Variants in RPS6KC1 observed in about 807,000 individuals in gnomAD.
RPS6KC1 encodes ribosomal protein S6 kinase C1, also known as inactive ribosomal protein S6 kinase delta-1.
RPS6KC1 carries 54 observed loss-of-function variants against 103.8 expected under a neutral mutation model. The ratio of observed to expected loss-of-function variants is 0.52; its 90% confidence interval spans 0.42 to 0.65. The LOEUF is 0.65. Ranked by LOEUF, RPS6KC1 falls within the 30% of genes least tolerant of loss-of-function variation. The pLI is 0.00. For synonymous variants in RPS6KC1, 439 were observed against 438.7 expected (o/e 1.00, Z -0.01); for missense variants, 1,151 against 1,253.8 (o/e 0.92, Z 1.24).
the RPS6KC1 span, among the ~76,000 whole-genome samples, chr1:213,629,372 T>A: frequency 5.5e-4 from 83 of 152,104 alleles, no homozygotes; most frequent in African/African-American, 1.8e-3. Flanking sequence ...TTTGTTGGTT[T>A]AAAGTCTGTT....
intron 8 of RPS6KC1, among the ~76,000 whole-genome samples, chr1:213,189,181 G>A (rs2092656144): frequency 6.6e-6 from 1 of 152,082 alleles, no homozygotes; most frequent in African/African-American, 2.4e-5. Flanking sequence ...AGGCATGGTG[G>A]CTTACGTCTG....
the RPS6KC1 span, among the ~76,000 whole-genome samples, chr1:213,798,571 C>T: frequency 6.6e-6 from 1 of 152,226 alleles, no homozygotes; most frequent in Admixed American, 6.5e-5. Flanking sequence ...ATGCCTATTC[C>T]TTTCCTTCCT....
the RPS6KC1 span, among the ~76,000 whole-genome samples, chr1:213,506,583 G>A: frequency 3.9e-5 from 6 of 152,212 alleles, no homozygotes; most frequent in African/African-American, 1.4e-4. Context: ...ACTTGTGCAT[G>A]TGAGTCACTA....
the RPS6KC1 span, among the ~76,000 whole-genome samples, chr1:213,518,842 G>T: frequency 6.6e-6 from 1 of 152,192 alleles, no homozygotes; most frequent in African/African-American, 2.4e-5. Context: ...TTTCACATAT[G>T]TGTATCCATG....
At chr1:213,147,385 TA>T (rs2088002433) in intron 6 of RPS6KC1, among the ~76,000 whole-genome samples, 1 of 152,186 alleles carries the variant, frequency 6.6e-6, no homozygotes, top group Non-Finnish European at 1.5e-5. Context: ...TGGCAAGAGA[TA>T]GGGGTGTAAT....
intron 8 of RPS6KC1, among the ~76,000 whole-genome samples, chr1:213,181,399 T>C (rs1297685722): frequency 6.6e-6 from 1 of 152,270 alleles, no homozygotes; most frequent in East Asian, 1.9e-4. Context: ...TTCCCAACTT[T>C]ATCTGATGCC....
At chr1:213,571,290 A>C in the RPS6KC1 span, among the ~76,000 whole-genome samples, 1 of 152,202 alleles carries the variant, frequency 6.6e-6, no homozygotes, top group Non-Finnish European at 1.5e-5. Context: ...CAGCCACTGA[A>C]GGGGACACAG....
rs897345063 is a variant in RPS6KC1, at chr1:213,195,917, A to G, written c.1044+19425A>G. On this transcript the variant is annotated intron_variant, in intron 8 of 14. Coordinates refer to ENST00000366960, the MANE Select transcript of RPS6KC1 (RefSeq NM_012424.6). Reference sequence around the variant, plus strand: ...CGTAGGCTGGCTTCATATTTTTGCAATTGCAAATTGTGCTGTTATAAATGT... The same window carrying G: ...CGTAGGCTGGCTTCATATTTTTGCAGTTGCAAATTGTGCTGTTATAAATGT... Among the ~76,000 whole-genome samples, 8 of 151,712 alleles carry G rather than the reference A, an allele frequency of 5.3e-5. No homozygotes were observed. In the East Asian group the frequency reaches 1.2e-3, roughly 22 times the overall value.
At chr1:213,604,863 G>A in the RPS6KC1 span, among the ~76,000 whole-genome samples, 4 of 152,164 alleles carry the variant, frequency 2.6e-5, no homozygotes, top group East Asian at 3.8e-4. Context: ...GTGGGCAAGT[G>A]TGTGAGTCAG....
the RPS6KC1 span, among the ~76,000 whole-genome samples, chr1:213,683,000 C>T: frequency 0.012 from 1,762 of 152,328 alleles, 33 homozygotes; most frequent in South Asian, 0.092. Flanking sequence ...AAAATAACTG[C>T]ATGTACTTTA....
intron 5 of RPS6KC1, among the ~76,000 whole-genome samples, chr1:213,119,555 A>T (rs1163748196): frequency 6.8e-6 from 1 of 146,262 alleles, no homozygotes; most frequent in Non-Finnish European, 1.5e-5. Context: ...TCTTTTCTCT[A>T]TTTTTTTGAT....
chr1:213,656,522 G>A, the RPS6KC1 span, among the ~76,000 whole-genome samples: 8 of 152,200 alleles, frequency 5.3e-5, 1 homozygote, highest in African/African-American at 1.7e-4. Flanking sequence ...CTTAATGATA[G>A]AATCCAATCC....
chr1:213,405,035 T>C, the RPS6KC1 span, among the ~76,000 whole-genome samples: 1 of 152,236 alleles, frequency 6.6e-6, no homozygotes, highest in Non-Finnish European at 1.5e-5. Flanking sequence ...CTTTCGGCTC[T>C]ATCTGTGGGA....
chr1:213,214,421 G>T (rs910864021), intron 8 of RPS6KC1, among the ~76,000 whole-genome samples: 1 of 152,224 alleles, frequency 6.6e-6, no homozygotes, highest in Non-Finnish European at 1.5e-5. Flanking sequence ...AAGGAGGCCT[G>T]CCTGCCTCTG....
intron 8 of RPS6KC1, among the ~76,000 whole-genome samples, chr1:213,220,288 T>G (rs2093798049): frequency 6.6e-6 from 1 of 152,180 alleles, no homozygotes; most frequent in Non-Finnish European, 1.5e-5. Context: ...TCTAAAAATC[T>G]GAATTAAGAT....
At chr1:213,093,011 A>G (rs1481014888) in intron 3 of RPS6KC1, among the ~76,000 whole-genome samples, 1 of 152,166 alleles carries the variant, frequency 6.6e-6, no homozygotes, top group East Asian at 1.9e-4. Context: ...TGTTATTATC[A>G]GCTGCTAATG....
At chr1:213,137,842 C>G (rs1261087643) in intron 6 of RPS6KC1, among the ~76,000 whole-genome samples, 1 of 132,468 alleles carries the variant, frequency 7.5e-6, no homozygotes, top group East Asian at 2.1e-4. Flanking sequence ...CCCCCACCCC[C>G]ACCAAGGGAT....
chr1:213,444,247 C>A, the RPS6KC1 span, among the ~76,000 whole-genome samples: 1 of 152,160 alleles, frequency 6.6e-6, no homozygotes, highest in Non-Finnish European at 1.5e-5. Context: ...TAGAACCACC[C>A]TGATGGCTTC....
At chr1:213,074,336 A>G (rs1163868394) in intron 2 of RPS6KC1, among the ~76,000 whole-genome samples, 2 of 152,018 alleles carry the variant, frequency 1.3e-5, no homozygotes, top group African/African-American at 2.4e-5. Flanking sequence ...AGTGACTTTA[A>G]TAAATAAGAA....
Sources: gnomAD v4.1 joint callset for allele counts (sites outside exome capture counted in the v4.1 genomes callset) on GRCh38, gnomAD v4.1.1 for gene constraint, MANE v1.5 for transcripts, NCBI Gene and HGNC (gene_info 2026-07-23, HGNC 2026-07-21) for gene names.